Variants in GRID2 observed in about 807,000 individuals in gnomAD.
The protein encoded by GRID2 is glutamate receptor ionotropic, delta-2.
A neutral mutation model predicts 114.8 loss-of-function variants in GRID2; 33 were observed. The ratio of observed to expected loss-of-function variants is 0.29; its 90% CI spans 0.22 to 0.38. GRID2 has a LOEUF of 0.38. GRID2 is among the 10% of genes least tolerant of loss of function. The pLI is 1.00. For missense variants in GRID2, 1,184 were observed against 1,257.7 expected (o/e 0.94, Z 0.89); for synonymous variants, 505 against 449.9 (o/e 1.12, Z -1.55).
At chr4:92,713,730 A>T (rs1158591263) in intron 2 of GRID2, among the ~76,000 whole-genome samples, 1 of 151,582 alleles carries the variant, frequency 6.6e-6, no homozygotes, top group Non-Finnish European at 1.5e-5. Context: ...TTGTGCTAAA[A>T]ATTCCCCTTT....
intron 1 of GRID2, among the ~76,000 whole-genome samples, chr4:92,451,864 G>A (rs926668349): frequency 3.7e-4 from 56 of 152,158 alleles, no homozygotes; most frequent in African/African-American, 1.4e-3. Context: ...TAGAAAATTA[G>A]ACTTTGGGAG....
intron 14 of GRID2, among the ~76,000 whole-genome samples, chr4:93,753,438 C>CA (rs1362754213): frequency 6.6e-6 from 1 of 152,124 alleles, no homozygotes; most frequent in Non-Finnish European, 1.5e-5. Flanking sequence ...TGGTGTGCTG[C>CA]ACCCATTAAC....
At chr4:92,740,717 T>C (rs1273880968) in intron 2 of GRID2, among the ~76,000 whole-genome samples, 4 of 145,682 alleles carry the variant, frequency 2.7e-5, no homozygotes, top group Admixed American at 2.1e-4. Flanking sequence ...GATAGATAGA[T>C]AGATAGATAG....
chr4:92,884,002 T>G (rs1206827520), intron 2 of GRID2, among the ~76,000 whole-genome samples: 1 of 152,186 alleles, frequency 6.6e-6, no homozygotes, highest in Non-Finnish European at 1.5e-5. Context: ...ACTTCTCCTC[T>G]TTAGCTATGA....
intron 1 of GRID2, among the ~76,000 whole-genome samples, chr4:92,312,794 T>G (rs1175517332): frequency 6.6e-6 from 1 of 152,014 alleles, no homozygotes; most frequent in South Asian, 2.1e-4. Flanking sequence ...ACAGTAGATG[T>G]TGGCATGGAT....
At chr4:93,703,284 G>T (rs191134628) in intron 14 of GRID2, among the ~76,000 whole-genome samples, 3 of 152,174 alleles carry the variant, frequency 2.0e-5, no homozygotes, top group East Asian at 1.9e-4. Context: ...TATAGTAGGT[G>T]AGTATATTTA....
At chr4:93,115,092 TTGTGTGTG>T (rs546827152) in intron 4 of GRID2, among the ~76,000 whole-genome samples, 22 of 142,792 alleles carry the variant, frequency 1.5e-4, no homozygotes, top group African/African-American at 3.3e-4. Context: ...CTGTGTGTGC[TTGTGTGTG>T]TGTGTGTGTG....
chr4:93,289,444 C>T (rs917141741), intron 8 of GRID2, among the ~76,000 whole-genome samples: 3 of 151,936 alleles, frequency 2.0e-5, no homozygotes, highest in Non-Finnish European at 2.9e-5. Context: ...ATCGGGATGC[C>T]GTAGGGAGAA....
chr4:92,416,013 T>C (rs183234148), intron 1 of GRID2, among the ~76,000 whole-genome samples: 1 of 151,842 alleles, frequency 6.6e-6, no homozygotes, highest in Non-Finnish European at 1.5e-5. Flanking sequence ...CTAGTTTACA[T>C]TCCCACCAGC....
At chr4:93,375,156 A>G (rs1227595771) in intron 8 of GRID2, among the ~76,000 whole-genome samples, 2 of 147,184 alleles carry the variant, frequency 1.4e-5, no homozygotes, top group Non-Finnish European at 3.0e-5. Context: ...AGCCAAACAT[A>G]CTCTAAGCTG....
intron 2 of GRID2, among the ~76,000 whole-genome samples, chr4:92,871,760 C>T (rs1165835166): frequency 6.6e-6 from 1 of 152,086 alleles, no homozygotes; most frequent in South Asian, 2.1e-4. Context: ...CACATTGCAA[C>T]AAAATGTACA....
chr4:92,731,835 T>C (rs930029217), intron 2 of GRID2, among the ~76,000 whole-genome samples: 5 of 151,972 alleles, frequency 3.3e-5, no homozygotes, highest in African/African-American at 1.2e-4. Context: ...ATAAAGAAAC[T>C]AATAGTCATA....
chr4:92,365,592 A>G (rs942360127), intron 1 of GRID2, among the ~76,000 whole-genome samples: 1 of 152,032 alleles, frequency 6.6e-6, no homozygotes, highest in African/African-American at 2.4e-5. Flanking sequence ...TTCCACAACA[A>G]TAGAATCAAT....
rs935861159 is a variant in GRID2 at position 93,665,926 on chromosome 4, G to A, written c.2360+39491G>A. The stretch of plus-strand genomic sequence containing the variant: ...TTTCAAGATTTGGTTCTAATATTAC[G>A]TCTTCCTGGAAGTCACTTCATTCTG... On this transcript the variant is annotated intron_variant, in intron 14 of 15. Coordinates refer to ENST00000282020, the MANE Select transcript of GRID2 (RefSeq NM_001510.4). Among the ~76,000 whole-genome samples the A allele has an allele frequency of 2.0e-5, 3 of 151,884 alleles. No homozygotes were observed. In the South Asian group the frequency reaches 6.2e-4, roughly 31 times the overall value.
intron 8 of GRID2, among the ~76,000 whole-genome samples, chr4:93,279,460 T>A (rs962235150): frequency 4.0e-5 from 6 of 151,886 alleles, no homozygotes; most frequent in Non-Finnish European, 7.4e-5. Flanking sequence ...ATTTGAGGGA[T>A]ACTCAGCCAT....
intron 2 of GRID2, among the ~76,000 whole-genome samples, chr4:92,755,734 C>G (rs1415755641): frequency 2.0e-5 from 3 of 151,966 alleles, no homozygotes; most frequent in South Asian, 2.1e-4. Context: ...AAGTAAGTAC[C>G]CTAGAGCTAT....
At chr4:92,552,455 A>G (rs776300220) in intron 1 of GRID2, among the ~76,000 whole-genome samples, 2 of 152,110 alleles carry the variant, frequency 1.3e-5, no homozygotes, top group Non-Finnish European at 2.9e-5. Flanking sequence ...GTTGGAGAGG[A>G]GGTAGAGAAA....
chr4:93,554,294 T>C (rs1287110178), intron 13 of GRID2, among the ~76,000 whole-genome samples: 1 of 152,278 alleles, frequency 6.6e-6, no homozygotes, highest in Non-Finnish European at 1.5e-5. Flanking sequence ...TATAAAAGCC[T>C]TTTTTTCTTT....
intron 14 of GRID2, among the ~76,000 whole-genome samples, chr4:93,705,248 A>G (rs1727889047): frequency 6.6e-6 from 1 of 151,408 alleles, no homozygotes; most frequent in South Asian, 2.1e-4. Context: ...ATTCATTTGT[A>G]TGTCTTATTT....
Sources: allele counts gnomAD v4.1 joint callset (sites outside exome capture counted in the v4.1 genomes callset), GRCh38; gene constraint gnomAD v4.1.1; transcripts MANE v1.5; gene names NCBI Gene and HGNC (gene_info 2026-07-23, HGNC 2026-07-21).